The following ABTB2 variants were observed in gnomAD, a reference collection of about 807,000 sequenced individuals.
ABTB2 encodes ankyrin repeat and BTB domain containing 2, also known as ankyrin repeat and BTB/POZ domain-containing protein 2.
ABTB2 carries 56 observed loss-of-function variants against 104.1 expected under a neutral mutation model. The ratio of observed to expected loss-of-function variants is 0.54; its 90% CI spans 0.43 to 0.67. The LOEUF is 0.67. Among genes scored for constraint, ABTB2 ranks in the 30% least tolerant of loss-of-function variants. The probability of loss-of-function intolerance (pLI) is 0.00; values close to 1 mark genes in which losing one functional copy is unlikely to be tolerated. For synonymous variants in ABTB2, 606 were observed against 608.2 expected (o/e 1.00, Z 0.05); for missense variants, 1,279 against 1,407.7 (o/e 0.91, Z 1.46).
chr11:34,290,461 G>A (rs556094789), intron 1 of ABTB2, among the ~76,000 whole-genome samples: 7 of 152,274 alleles, frequency 4.6e-5, no homozygotes, highest in African/African-American at 1.4e-4. Context: ...GATAGTAATC[G>A]AAGATAGCAG....
chr11:34,343,812 T>A (rs1855295797), intron 1 of ABTB2, among the ~76,000 whole-genome samples: 1 of 152,040 alleles, frequency 6.6e-6, no homozygotes, highest in Non-Finnish European at 1.5e-5. Context: ...AATACTAACG[T>A]GAATCTAGGA....
chr11:34,248,444 C>CA lies in ABTB2; in HGVS notation c.884-43755dup, dbSNP rs1032302660. ...CCTATTAAACAAACAAACAAACAAA[C>CA]AAAAAAAACCCTTCCTTACTACCTT... is the stretch of plus-strand genomic sequence containing the variant. On this transcript the variant is annotated intron_variant, in intron 1 of 16. Coordinates refer to ENST00000435224, the MANE Select transcript of ABTB2 (RefSeq NM_145804.3). 5.4e-4 allele frequency among the ~76,000 whole-genome samples: 82 copies of CA among 151,700 alleles called. No individual in the cohort carries two copies. The East Asian group carries it at 0.014, about 25-fold the overall frequency.
chr11:34,342,636 G>A (rs1265285407), intron 1 of ABTB2, among the ~76,000 whole-genome samples: 16 of 152,150 alleles, frequency 1.1e-4, no homozygotes, highest in African/African-American at 2.4e-5. Context: ...CACATGGGCC[G>A]GGGTCTGGTG....
intron 1 of ABTB2, among the ~76,000 whole-genome samples, chr11:34,271,922 G>A (rs1409776187): frequency 1.3e-5 from 2 of 152,190 alleles, no homozygotes; most frequent in Non-Finnish European, 2.9e-5. Context: ...ATGCTAGACT[G>A]TGTATGGCAC....
At chr11:34,299,210 G>A (rs913421926) in intron 1 of ABTB2, among the ~76,000 whole-genome samples, 1 of 152,328 alleles carries the variant, frequency 6.6e-6, no homozygotes, top group South Asian at 2.1e-4. Flanking sequence ...CTGGGCAGGG[G>A]TTTGGACTGG....
chr11:34,167,927 A>G lies in ABTB2; in HGVS notation c.1629T>C (p.Asp543=), dbSNP rs770479862. ...GDEAMVQMLI[D]AGANLDIQVP... ...CCTGGATGTCCAAGTTTGCCCCAGC[A>G]TCAATCAACATCTGGACCATCGCTT... is the stretch of plus-strand genomic sequence containing the variant. Residue 543 remains aspartate, a synonymous_variant, in exon 6 of 17, where the codon GAT becomes GAC. Coordinates refer to ENST00000435224, the MANE Select transcript of ABTB2 (RefSeq NM_145804.3). 49 of 1,614,154 alleles carry G rather than the reference A, an allele frequency of 3.0e-5. No individual in the cohort carries two copies. The highest frequency in any genetic ancestry group is 4.0e-5 in the Non-Finnish European group (47 of 1,180,056).
intron 1 of ABTB2, among the ~76,000 whole-genome samples, chr11:34,346,783 C>A (rs1855337588): frequency 2.0e-5 from 3 of 152,148 alleles, no homozygotes. Flanking sequence ...CAAGCTCCAC[C>A]CCAGAATTTT....
intron 1 of ABTB2, among the ~76,000 whole-genome samples, chr11:34,323,939 A>T (rs796977177): frequency 2.2e-4 from 23 of 102,440 alleles, no homozygotes; most frequent in African/African-American, 6.2e-4. Flanking sequence ...TTTGAGATGG[A>T]GTGTCACTCT....
rs1357333952 is a variant in ABTB2 at position 34,162,647 on chromosome 11, G to A, written c.2147C>T (p.Ala716Val). 2.5e-6 allele frequency: 4 copies of A among 1,613,366 alleles called. No homozygotes were observed. Among genetic ancestry groups the A allele is most frequent in the Non-Finnish European group, 3.4e-6 (4 of 1,180,010 alleles). ...GCTGTAGTACATGGCCTCCTGTAGGGCCTTGGTGCGGGTCCGGCTCAGCCG... is the reference window on the plus strand; with the variant it reads ...GCTGTAGTACATGGCCTCCTGTAGGACCTTGGTGCGGGTCCGGCTCAGCCG... Reference protein sequence around the residue: ...PVRLSRTRTKALQEAMYYSAE... With the variant: ...PVRLSRTRTKVLQEAMYYSAE... The change falls in exon 10 of 17, where the codon GCC (alanine) becomes GTC (valine). Residue 716 changes from alanine (A) to valine (V), a missense_variant. Physicochemically the swap from Ala to Val is moderately conservative, Grantham distance 64. Coordinates refer to ENST00000435224, the MANE Select transcript of ABTB2 (RefSeq NM_145804.3).
At chr11:34,242,499 A>G (rs781221779) in intron 1 of ABTB2, 6 of 152,310 alleles carry the variant, frequency 3.9e-5, no homozygotes, top group Non-Finnish European at 7.3e-5. Flanking sequence ...GCGCCCCTGT[A>G]TGTACCACCC....
rs762652718 is a variant in ABTB2 at position 34,167,410 on chromosome 11, G to C, written c.1654-50C>G. The stretch of plus-strand genomic sequence containing the variant: ...TGTTTTCTGGGCACCCGAGCGAAGG[G>C]AGTACCCTGCAGGGATGGTGAACCA... On this transcript the variant is annotated intron_variant, in intron 6 of 16. Coordinates refer to ENST00000435224, the MANE Select transcript of ABTB2 (RefSeq NM_145804.3). 9 of 1,491,480 alleles carry C rather than the reference G, an allele frequency of 6.0e-6. No individual in the cohort carries two copies. The Admixed American group carries it at 1.6e-4, about 27-fold the overall frequency. The allele number at this position is 1,491,480 out of a possible 1,614,324, so 92.4% of individuals were successfully genotyped here.
At chr11:34,313,853 T>C (rs943199091) in intron 1 of ABTB2, among the ~76,000 whole-genome samples, 3 of 152,204 alleles carry the variant, frequency 2.0e-5, no homozygotes, top group East Asian at 3.8e-4. Flanking sequence ...ACCCTTATAA[T>C]CATAGATTCT....
intron 1 of ABTB2, among the ~76,000 whole-genome samples, chr11:34,241,056 CTTT>C (rs1853909952): frequency 6.6e-6 from 1 of 152,084 alleles, no homozygotes; most frequent in African/African-American, 2.4e-5. Context: ...TCAAGCTGTC[CTTT>C]TTCTGTTTCG....
chr11:34,198,615 G>A (rs375495336), intron 2 of ABTB2, among the ~76,000 whole-genome samples: 51 of 152,110 alleles, frequency 3.4e-4, no homozygotes, highest in Non-Finnish European at 5.9e-4. Flanking sequence ...ATGTCTGTTC[G>A]ACTCCAAAGT....
At chr11:34,344,162 T>C (rs1271961878) in intron 1 of ABTB2, among the ~76,000 whole-genome samples, 4 of 152,310 alleles carry the variant, frequency 2.6e-5, no homozygotes, top group Admixed American at 6.5e-5. Context: ...GGAGTCTTGC[T>C]TTCCCAGAAT....
chr11:34,298,425 T>TA (rs201892244), intron 1 of ABTB2, among the ~76,000 whole-genome samples: 2 of 150,848 alleles, frequency 1.3e-5, no homozygotes, highest in African/African-American at 2.4e-5. Flanking sequence ...TTTTTTTTTT[T>TA]AAACCAATTA....
chr11:34,308,882 A>AAAAAAAAG (rs1252511057), intron 1 of ABTB2, among the ~76,000 whole-genome samples: 193 of 150,906 alleles, frequency 1.3e-3, no homozygotes, highest in African/African-American at 4.4e-3. Flanking sequence ...AAAAAAAAAA[A>AAAAAAAAG]AAAAAGAAAA....
At chr11:34,306,982 TAAAA>T (rs61161318) in intron 1 of ABTB2, among the ~76,000 whole-genome samples, 1 of 94,570 alleles carries the variant, frequency 1.1e-5, no homozygotes, top group Non-Finnish European at 2.2e-5. Flanking sequence ...TCAGGAAACT[TAAAA>T]AAAAAAAAAA....
At chr11:34,261,540 G>A (rs1465001156) in intron 1 of ABTB2, among the ~76,000 whole-genome samples, 3 of 151,676 alleles carry the variant, frequency 2.0e-5, no homozygotes, top group Non-Finnish European at 4.4e-5. Flanking sequence ...AAACAAGGGG[G>A]TGATAACAAG....
Sources: allele counts gnomAD v4.1 joint callset (sites outside exome capture counted in the v4.1 genomes callset), GRCh38; gene constraint gnomAD v4.1.1; transcripts MANE v1.5; gene names NCBI Gene and HGNC (gene_info 2026-07-23, HGNC 2026-07-21).